TATDN3: variants seen among roughly 807,000 people sequenced by gnomAD.
TATDN3 encodes the protein deoxyribonuclease TATDN3.
In TATDN3, 29 loss-of-function variants were observed where a neutral mutation model predicts 40.1. The observed-to-expected ratio is 0.72, with a 90% CI of 0.54 to 0.99. The LOEUF is 0.99. TATDN3 is among the 50% of genes least tolerant of loss of function. The pLI is 0.00. For missense variants in TATDN3, 309 were observed against 321.9 expected (o/e 0.96, Z 0.31); for synonymous variants, 105 against 117.0 (o/e 0.90, Z 0.66).
At chr1:212,792,126 C>T (rs1661346959) in intron 1 of TATDN3, 139 bp downstream of exon 1, 1 of 812,666 alleles carries the variant, frequency 1.2e-6, no homozygotes, top group Non-Finnish European at 2.0e-6. Context: ...TGACCTTGCC[C>T]CTCATTTCCC....
chr1:212,801,126 GCTGCAGTGAGCTATGATCGCACCA>G lies in TATDN3; in HGVS notation c.259-1569_259-1546del, dbSNP rs1662151154. ...AATCACTTGAGCCCAGGAGTTCAAG[GCTGCAGTGAGCTATGATCGCACCA>G]CTGCACACTCCAGCCTGGGTCACAA... On this transcript the variant is annotated intron_variant, in intron 4 of 9. Transcript: ENST00000366974. Among the ~76,000 whole-genome samples, 2 of 151,620 alleles carry G rather than the reference GCTGCAGTGAGCTATGATCGCACCA, an allele frequency of 1.3e-5. 1 individual carries two copies. Among genetic ancestry groups the G allele is most frequent in the Admixed American group, 1.3e-4 (2 of 15,186 alleles).
At chr1:212,811,710 AT>A (rs879759579) in intron 8 of TATDN3, among the ~76,000 whole-genome samples, 349 of 146,574 alleles carry the variant, frequency 2.4e-3, no homozygotes, top group Non-Finnish European at 3.8e-3. Context: ...TATTATTATT[AT>A]TTTTTTTTTG....
At chr1:212,804,295 A>G (rs754333471) in intron 5 of TATDN3, 25 bp from the exon 6 acceptor site, 4 of 1,556,710 alleles carry the variant, frequency 2.6e-6, no homozygotes, top group Non-Finnish European at 3.5e-6. Context: ...CTAAATATGT[A>G]ATATCTTTTA....
chr1:212,802,072 C>A (rs1474577396), intron 4 of TATDN3, among the ~76,000 whole-genome samples: 1 of 152,086 alleles, frequency 6.6e-6, no homozygotes, highest in African/African-American at 2.4e-5. Context: ...ATTTTCCCTG[C>A]CTAAGAAGGG....
At chr1:212,798,651 C>G in intron 4 of TATDN3, among the ~76,000 whole-genome samples, 1 of 151,666 alleles carries the variant, frequency 6.6e-6, no homozygotes. Flanking sequence ...TTGCCAATCA[C>G]AATTCTACAA....
At chr1:212,801,669 T>C (rs570901452) in intron 4 of TATDN3, among the ~76,000 whole-genome samples, 4 of 152,322 alleles carry the variant, frequency 2.6e-5, no homozygotes, top group African/African-American at 9.6e-5. Context: ...TTTGGATGTG[T>C]GATATGGAAA....
At chr1:212,792,306 A>G (rs1277588732) in intron 1 of TATDN3, among the ~76,000 whole-genome samples, 2 of 151,330 alleles carry the variant, frequency 1.3e-5, no homozygotes, top group Non-Finnish European at 2.9e-5. Flanking sequence ...CTGAGATGCC[A>G]CTCTTTGTGG....
At chr1:212,792,163 C>T (rs1661350934) in intron 1 of TATDN3, among the ~76,000 whole-genome samples, 176 bp downstream of exon 1, 1 of 152,104 alleles carries the variant, frequency 6.6e-6, no homozygotes, top group African/African-American at 2.4e-5. Flanking sequence ...TCAGACATAC[C>T]GATTTTTTTT....
rs150080132 is a variant in TATDN3, at chr1:212,807,368, T to C, written c.488-368T>C. Among the ~76,000 whole-genome samples, 465 of 152,218 alleles carry C rather than the reference T, an allele frequency of 3.1e-3. 2 individuals are homozygous for C. The highest frequency in any genetic ancestry group is 0.01 in the African/African-American group (427 of 41,546). On this transcript the variant is annotated intron_variant, in intron 7 of 9. Transcript: ENST00000366974. ...CTCAGACTCAGGTGATCCTCCCACC[T>C]TAGCTTCCCGAGTAGCTGGGACTAC...
At chr1:212,796,711 C>G (rs764548556) in intron 3 of TATDN3, 121 bp downstream of exon 3, 225 of 652,058 alleles carry the variant, frequency 3.5e-4, no homozygotes, top group Non-Finnish European at 5.1e-4. Context: ...TTTAACATAG[C>G]CCTAAAGAGA....
chr1:212,806,870 A>G (rs1411605658), intron 7 of TATDN3, among the ~76,000 whole-genome samples: 2 of 95,452 alleles, frequency 2.1e-5, no homozygotes, highest in Admixed American at 1.9e-4. Flanking sequence ...GTATATACAC[A>G]TATATACATA....
At chr1:212,805,503 G>C (rs148678726) in intron 7 of TATDN3, among the ~76,000 whole-genome samples, 1 of 152,056 alleles carries the variant, frequency 6.6e-6, no homozygotes, top group Non-Finnish European at 1.5e-5. Context: ...TGATCCACAC[G>C]CCTCGGCCTC....
intron 1 of TATDN3, among the ~76,000 whole-genome samples, chr1:212,792,673 G>A (rs993220087): frequency 7.0e-6 from 1 of 143,246 alleles, no homozygotes; most frequent in Non-Finnish European, 1.5e-5. Context: ...GGGGGAGAGA[G>A]GCAAACAAAC....
chr1:212,809,576 C>T (rs895145777), intron 8 of TATDN3, among the ~76,000 whole-genome samples: 8 of 151,402 alleles, frequency 5.3e-5, no homozygotes, highest in African/African-American at 1.2e-4. Context: ...CCCACCTACT[C>T]GGGAGACTGA....
rs759786915 is a variant in TATDN3, at chr1:212,812,268, A to G, written c.621A>G (p.Gln207=). ...RSGQKQKLVK[Q]LPLTSICLET... The stretch of plus-strand genomic sequence containing the variant: ...CTAAGAAGCAGAAACTTGTGAAACA[A>G]TTGCCTTTAACTTCTATATGCTTAG... Residue 207 remains glutamine (Q), a synonymous_variant, in exon 9 of 10, where the codon CAA becomes CAG. Coordinates refer to ENST00000366974, the MANE Select transcript of TATDN3 (RefSeq NM_001042552.3). 2 of 1,579,862 alleles carry G rather than the reference A, an allele frequency of 1.3e-6. No individual in the cohort carries two copies. The highest frequency in any genetic ancestry group is 1.7e-6 in the Non-Finnish European group (2 of 1,169,964).
At chr1:212,809,331 A>C (rs577513359) in intron 8 of TATDN3, among the ~76,000 whole-genome samples, 6 of 152,244 alleles carry the variant, frequency 3.9e-5, no homozygotes, top group Admixed American at 2.0e-4. Flanking sequence ...ATAGCAAAAA[A>C]CACTGGATTG....
intron 7 of TATDN3, among the ~76,000 whole-genome samples, chr1:212,805,209 G>A (rs995141297): frequency 4.0e-5 from 6 of 150,834 alleles, no homozygotes; most frequent in African/African-American, 9.8e-5. Context: ...TGATCCACCC[G>A]CCTCAGCCTG....
intron 4 of TATDN3, 145 bp from the exon 5 acceptor site, chr1:212,802,556 G>T: frequency 1.6e-6 from 1 of 619,116 alleles, no homozygotes; most frequent in Non-Finnish European, 2.9e-6. Flanking sequence ...ATTTTAGAAG[G>T]ATTACTATTG....
intron 9 of TATDN3, 107 bp from the exon 10 acceptor site, chr1:212,814,906 G>A: frequency 7.9e-7 from 1 of 1,260,672 alleles, no homozygotes; most frequent in Non-Finnish European, 1.1e-6. Context: ...AATTAAAAAG[G>A]AGCCCATCAG....
Sources: allele counts gnomAD v4.1 joint callset (sites outside exome capture counted in the v4.1 genomes callset), GRCh38; gene constraint gnomAD v4.1.1; transcripts MANE v1.5; gene names NCBI Gene and HGNC (gene_info 2026-07-23, HGNC 2026-07-21).